Variants in MAGI2 observed in about 807,000 individuals in gnomAD.
MAGI2 encodes membrane associated guanylate kinase, WW and PDZ domain containing 2, also known as membrane-associated guanylate kinase, WW and PDZ domain-containing protein 2.
MAGI2 carries 35 observed loss-of-function variants against 133.3 expected under a neutral mutation model. The observed-to-expected ratio is 0.26, with a 90% confidence interval of 0.20 to 0.35. MAGI2 has a LOEUF of 0.35. MAGI2 is among the 10% of genes least tolerant of loss of function. MAGI2 has a pLI of 1.00. For synonymous variants in MAGI2, 729 were observed against 710.6 expected (o/e 1.03, Z -0.41); for missense variants, 1,636 against 1,863.4 (o/e 0.88, Z 2.25).
chr7:79,275,039 T>A (rs1835137594), intron 1 of MAGI2, among the ~76,000 whole-genome samples: 1 of 152,116 alleles, frequency 6.6e-6, no homozygotes, highest in African/African-American at 2.4e-5. Context: ...TGAGACATGA[T>A]GACACTGAAA....
chr7:79,153,153 A>G (rs1431775775), intron 1 of MAGI2, among the ~76,000 whole-genome samples: 2 of 152,182 alleles, frequency 1.3e-5, no homozygotes, highest in African/African-American at 4.8e-5. Flanking sequence ...TCAGAAGCAA[A>G]TAAATACCCA....
rs1482222885 is a variant in MAGI2 at position 78,471,451 on chromosome 7, CTATT to C, written c.1045+18306_1045+18309del. On this transcript the variant is annotated intron_variant, in intron 6 of 21. Coordinates refer to ENST00000354212, the MANE Select transcript of MAGI2 (RefSeq NM_012301.4). ...CCACAAATTACTCAATACATGGTAA[CTATT>C]AATATTAAATACAGTAACATAAAAC... 3.9e-5 allele frequency among the ~76,000 whole-genome samples: 6 copies of C among 152,076 alleles called. No homozygotes were observed. The East Asian group carries it at 7.7e-4, about 20-fold the overall frequency.
chr7:78,323,664 A>G (rs1443178418), intron 9 of MAGI2, among the ~76,000 whole-genome samples: 1 of 152,128 alleles, frequency 6.6e-6, no homozygotes, highest in Non-Finnish European at 1.5e-5. Flanking sequence ...CCGGCCCCAT[A>G]GAACCTAGTT....
At chr7:78,941,228 A>G (rs532413576) in intron 2 of MAGI2, among the ~76,000 whole-genome samples, 5 of 152,186 alleles carry the variant, frequency 3.3e-5, no homozygotes, top group Non-Finnish European at 5.9e-5. Flanking sequence ...TGACAGGTTC[A>G]TCTATTGTGT....
intron 3 of MAGI2, among the ~76,000 whole-genome samples, chr7:78,564,779 C>T (rs1800758096): frequency 2.0e-5 from 2 of 101,510 alleles, no homozygotes; most frequent in South Asian, 7.2e-4. Flanking sequence ...ATCTCTTTGA[C>T]ATTCTTTTTT....
intron 2 of MAGI2, among the ~76,000 whole-genome samples, chr7:78,776,463 T>C (rs1287940647): frequency 3.3e-5 from 5 of 152,238 alleles, no homozygotes; most frequent in Non-Finnish European, 5.9e-5. Flanking sequence ...AAAGTAGAAA[T>C]TGCATAATTT....
chr7:79,084,655 T>G (rs1816328502), intron 1 of MAGI2, among the ~76,000 whole-genome samples: 1 of 151,806 alleles, frequency 6.6e-6, no homozygotes, highest in African/African-American at 2.4e-5. Context: ...GTTAGGTTTA[T>G]TTGATTTATA....
intron 2 of MAGI2, among the ~76,000 whole-genome samples, chr7:78,921,563 A>G (rs969232610): frequency 1.3e-5 from 2 of 152,262 alleles, no homozygotes; most frequent in East Asian, 3.9e-4. Context: ...TAGTAAATTG[A>G]AAACAGCACA....
chr7:78,509,426 TA>T (rs1795381315), intron 4 of MAGI2: 1 of 152,216 alleles, frequency 6.6e-6, no homozygotes, highest in Non-Finnish European at 1.5e-5. Context: ...TTGAATTCAG[TA>T]AATATAATTT....
chr7:79,248,101 G>A (rs763869851), intron 1 of MAGI2, among the ~76,000 whole-genome samples: 18 of 151,976 alleles, frequency 1.2e-4, no homozygotes, highest in Non-Finnish European at 1.8e-4. Flanking sequence ...AAGATGCAAT[G>A]ATTTACTGTA....
intron 1 of MAGI2, among the ~76,000 whole-genome samples, chr7:79,346,823 T>C (rs1346213882): frequency 6.6e-6 from 1 of 152,034 alleles, no homozygotes; most frequent in Admixed American, 6.6e-5. Flanking sequence ...TTTGCATTCT[T>C]AGAGCTGTTC....
chr7:78,025,501 A>T (rs973553015), intron 21 of MAGI2, among the ~76,000 whole-genome samples: 1 of 152,210 alleles, frequency 6.6e-6, no homozygotes, highest in Non-Finnish European at 1.5e-5. Context: ...TCGACACAAA[A>T]ATAAGTGCTT....
rs139407786 is a variant in MAGI2, at chr7:78,103,393, A to C, written c.3567+22301T>G. Among the ~76,000 whole-genome samples the C allele has an allele frequency of 2.6e-4, 40 of 152,330 alleles. 1 individual carries two copies. In the East Asian group the frequency reaches 6.9e-3, roughly 26 times the overall value. On this transcript the variant is annotated intron_variant, in intron 20 of 21. Transcript: ENST00000354212. ...ATATATTTCCAAAGAGTAGGGATTG[A>C]GTCATTTTATCATAATTAATGATCC... is the stretch of plus-strand genomic sequence containing the variant.
rs376047953 is a variant in MAGI2, at chr7:78,971,619, GT to G, written c.418+35470del. On this transcript the variant is annotated intron_variant, in intron 2 of 21. Coordinates refer to ENST00000354212, the MANE Select transcript of MAGI2 (RefSeq NM_012301.4). The stretch of plus-strand genomic sequence containing the variant: ...TCTGTCAACCCTAACTATAAATCCT[GT>G]TTTATGTGTTAAGTTTGGCCACCCT... 2.0e-4 allele frequency among the ~76,000 whole-genome samples: 31 copies of G among 152,058 alleles called. No individual in the cohort carries two copies. The East Asian group carries it at 6.0e-3, about 30-fold the overall frequency.
intron 2 of MAGI2, among the ~76,000 whole-genome samples, chr7:78,943,611 G>A (rs1220682274): frequency 6.6e-6 from 1 of 152,076 alleles, no homozygotes; most frequent in Non-Finnish European, 1.5e-5. Context: ...CTCATTTTAG[G>A]AAGATTAGGA....
chr7:78,737,468 A>C lies in MAGI2; in HGVS notation c.419-110229T>G, dbSNP rs188551168. Among the ~76,000 whole-genome samples the C allele has an allele frequency of 4.6e-5, 7 of 152,320 alleles. 1 individual carries two copies. The East Asian group carries it at 1.4e-3, about 29-fold the overall frequency. ...CCTTTAAGAAACTACCACTAATCAA[A>C]GTTTTGGTGTAGCATTAAAGAATAT... On this transcript the variant is annotated intron_variant, in intron 2 of 21. Coordinates refer to ENST00000354212, the MANE Select transcript of MAGI2 (RefSeq NM_012301.4).
At chr7:79,363,407 T>G (rs920935908) in intron 1 of MAGI2, among the ~76,000 whole-genome samples, 4 of 149,636 alleles carry the variant, frequency 2.7e-5, no homozygotes, top group Non-Finnish European at 4.5e-5. Flanking sequence ...AGAATATATA[T>G]TCTCCCAAAA....
At chr7:78,633,456 A>G (rs1158225372) in intron 2 of MAGI2, among the ~76,000 whole-genome samples, 2 of 152,126 alleles carry the variant, frequency 1.3e-5, no homozygotes, top group Admixed American at 1.3e-4. Context: ...CTGTAATCCC[A>G]GCACTTTGGG....
intron 1 of MAGI2, among the ~76,000 whole-genome samples, chr7:79,194,475 A>G (rs778182310): frequency 1.6e-4 from 25 of 151,982 alleles, no homozygotes; most frequent in Non-Finnish European, 3.2e-4. Context: ...GTTTTAAAAG[A>G]TAAAGAGCTA....
Sources: gnomAD v4.1 joint callset for allele counts (sites outside exome capture counted in the v4.1 genomes callset) on GRCh38, gnomAD v4.1.1 for gene constraint, MANE v1.5 for transcripts, NCBI Gene and HGNC (gene_info 2026-07-23, HGNC 2026-07-21) for gene names.